MIPOL1: variants seen among roughly 807,000 people sequenced by gnomAD.
MIPOL1 encodes the protein mirror-image polydactyly gene 1 protein.
A neutral mutation model predicts 60.9 loss-of-function variants in MIPOL1; 57 were observed. The ratio of observed to expected loss-of-function variants is 0.94; its 90% CI spans 0.76 to 1.17. The LOEUF is 1.17. MIPOL1 is among the 50% of genes most tolerant of loss of function. The probability of loss-of-function intolerance (pLI) is 0.00; values close to 1 mark genes in which losing one functional copy is unlikely to be tolerated. For missense variants in MIPOL1, 551 were observed against 511.6 expected, an observed-to-expected ratio of 1.08 and a Z score of -0.74; for synonymous variants, 179 against 168.8, an observed-to-expected ratio of 1.06 and a Z score of -0.47.
At chr14:37,317,748 T>A (rs1417988774) in intron 9 of MIPOL1, among the ~76,000 whole-genome samples, 1 of 152,148 alleles carries the variant, frequency 6.6e-6, no homozygotes, top group African/African-American at 2.4e-5. Flanking sequence ...AATAAAGATT[T>A]CGAATATAGC....
chr14:37,299,864 C>T (rs1439237488), intron 7 of MIPOL1, among the ~76,000 whole-genome samples: 1 of 152,000 alleles, frequency 6.6e-6, no homozygotes, highest in Non-Finnish European at 1.5e-5. Context: ...TTGTATGTCT[C>T]CCTAGCCTGT....
At chr14:37,447,805 T>A (rs2094359566) in intron 11 of MIPOL1, among the ~76,000 whole-genome samples, 1 of 151,886 alleles carries the variant, frequency 6.6e-6, no homozygotes, top group African/African-American at 2.4e-5. Flanking sequence ...CAGTGAGCTG[T>A]TTTTTTTAAT....
intron 11 of MIPOL1, among the ~76,000 whole-genome samples, chr14:37,479,296 G>T (rs890937082): frequency 8.5e-5 from 13 of 152,048 alleles, no homozygotes; most frequent in African/African-American, 2.9e-4. Context: ...ACCTGTTGGA[G>T]CACAAAACAA....
intron 7 of MIPOL1, among the ~76,000 whole-genome samples, chr14:37,304,628 A>G (rs917974895): frequency 1.3e-5 from 2 of 151,814 alleles, no homozygotes; most frequent in Non-Finnish European, 3.0e-5. Flanking sequence ...TTGGAGGTCA[A>G]CGTTTGGCAT....
chr14:37,428,758 T>C (rs2153557376), intron 11 of MIPOL1, among the ~76,000 whole-genome samples: 1 of 149,918 alleles, frequency 6.7e-6, no homozygotes, highest in East Asian at 2.0e-4. Flanking sequence ...AATATGGAAA[T>C]ACAGGTTTAT....
intron 11 of MIPOL1, among the ~76,000 whole-genome samples, chr14:37,483,407 G>A (rs1594636433): frequency 6.6e-6 from 1 of 152,014 alleles, no homozygotes; most frequent in East Asian, 1.9e-4. Flanking sequence ...GAGCCACCAT[G>A]CACAGCCAAC....
At position 37,230,734 on chromosome 14, in the gene MIPOL1, A is replaced by T. The variant is rs571291265; in HGVS notation, c.-198-16369A>T. Among the ~76,000 whole-genome samples, 6 of 152,306 alleles carry T rather than the reference A, an allele frequency of 3.9e-5. No individual in the cohort carries two copies. The East Asian group carries it at 1.2e-3, about 29-fold the overall frequency. ...TTGTTAGGTTTACTGCAAAATTAAT[A>T]AAAAGGACTGATATATAAGCTTTGC... On this transcript the variant is annotated intron_variant, in intron 1 of 12. Coordinates refer to ENST00000684589, the MANE Select transcript of MIPOL1 (RefSeq NM_001388067.1).
chr14:37,325,413 G>C (rs897869391), intron 9 of MIPOL1, among the ~76,000 whole-genome samples: 1 of 151,582 alleles, frequency 6.6e-6, no homozygotes, highest in South Asian at 2.1e-4. Context: ...TCTTTATGTA[G>C]GAATTTCAAT....
intron 12 of MIPOL1, among the ~76,000 whole-genome samples, chr14:37,532,532 A>G (rs1394216575): frequency 6.6e-6 from 1 of 152,224 alleles, no homozygotes; most frequent in Non-Finnish European, 1.5e-5. Context: ...GCATATGAAA[A>G]TCAGGAATCA....
intron 11 of MIPOL1, among the ~76,000 whole-genome samples, chr14:37,441,126 T>C (rs1470344330): frequency 1.3e-5 from 2 of 152,184 alleles, no homozygotes; most frequent in African/African-American, 2.4e-5. Flanking sequence ...GCTGTTGTTA[T>C]GTGAGTTTCT....
intron 9 of MIPOL1, among the ~76,000 whole-genome samples, chr14:37,355,408 T>C (rs974511536): frequency 6.8e-6 from 1 of 146,056 alleles, no homozygotes; most frequent in African/African-American, 2.5e-5. Flanking sequence ...TCTCGAGGAG[T>C]ATCTTTGTGG....
intron 11 of MIPOL1, among the ~76,000 whole-genome samples, chr14:37,479,918 C>A (rs536943490): frequency 3.9e-5 from 6 of 151,932 alleles, no homozygotes; most frequent in African/African-American, 1.4e-4. Context: ...AAATATATGC[C>A]AATAAATTGA....
intron 7 of MIPOL1, among the ~76,000 whole-genome samples, chr14:37,298,526 G>A (rs1347239222): frequency 1.3e-5 from 2 of 152,152 alleles, no homozygotes; most frequent in African/African-American, 4.8e-5. Flanking sequence ...CCTACAGAAT[G>A]GGAGACAATT....
chr14:37,437,520 A>G (rs892559929), intron 11 of MIPOL1, among the ~76,000 whole-genome samples: 3 of 152,194 alleles, frequency 2.0e-5, no homozygotes, highest in African/African-American at 7.2e-5. Flanking sequence ...AAAACGTCAT[A>G]TATTTCTAAA....
intron 7 of MIPOL1, among the ~76,000 whole-genome samples, chr14:37,296,412 A>G (rs973798545): frequency 2.6e-5 from 4 of 152,228 alleles, no homozygotes; most frequent in Non-Finnish European, 4.4e-5. Context: ...AGCAAGAGCA[A>G]ACACATTCAA....
chr14:37,326,545 C>A (rs757951365), intron 9 of MIPOL1, among the ~76,000 whole-genome samples: 2 of 152,132 alleles, frequency 1.3e-5, no homozygotes, highest in African/African-American at 4.8e-5. Context: ...TCCATTATTC[C>A]CCTGGTAGAT....
intron 11 of MIPOL1, among the ~76,000 whole-genome samples, chr14:37,430,742 A>G (rs1422271909): frequency 1.3e-5 from 2 of 152,172 alleles, no homozygotes; most frequent in Non-Finnish European, 2.9e-5. Context: ...AAGGAGATAT[A>G]TTAATAAATG....
chr14:37,406,800 A>G (rs1322791412), intron 10 of MIPOL1, among the ~76,000 whole-genome samples: 1 of 152,172 alleles, frequency 6.6e-6, no homozygotes, highest in Non-Finnish European at 1.5e-5. Flanking sequence ...TCTGTTCTAG[A>G]CATTAAAAGT....
At position 37,258,863 on chromosome 14, in the gene MIPOL1, A is replaced by T. The variant is rs1975404967; in HGVS notation, c.20-8075A>T. On this transcript the variant is annotated intron_variant, in intron 3 of 12. Transcript: ENST00000684589. ...TGAAACAAACAAAAACTTAAAAAAAATTTGTGGCATCACCACTTTAAATAG... is the reference window on the plus strand; with the variant it reads ...TGAAACAAACAAAAACTTAAAAAAATTTTGTGGCATCACCACTTTAAATAG... Among the ~76,000 whole-genome samples, 4 of 152,250 alleles carry T rather than the reference A, an allele frequency of 2.6e-5. No individual in the cohort carries two copies. The South Asian group carries it at 8.3e-4, about 32-fold the overall frequency.
Sources: gnomAD v4.1 joint callset for allele counts (sites outside exome capture counted in the v4.1 genomes callset) on GRCh38, gnomAD v4.1.1 for gene constraint, MANE v1.5 for transcripts, NCBI Gene and HGNC (gene_info 2026-07-23, HGNC 2026-07-21) for gene names.